Variants in BCR observed in about 807,000 individuals in gnomAD.
The protein encoded by BCR is BCR activator of RhoGEF and GTPase, also known as breakpoint cluster region protein.
A neutral mutation model predicts 138.6 loss-of-function variants in BCR; 58 were observed. The observed-to-expected ratio is 0.42, with a 90% confidence interval of 0.34 to 0.52. The LOEUF (loss-of-function observed/expected upper bound fraction) is 0.52, where lower values mean the gene tolerates loss of function less well. BCR is among the 20% of genes least tolerant of loss of function. BCR has a pLI of 0.06. For synonymous variants in BCR, 786 were observed against 730.1 expected, an observed-to-expected ratio of 1.08 and a Z score of -1.23; for missense variants, 1,599 against 1,727.2, an observed-to-expected ratio of 0.93 and a Z score of 1.32.
At chr22:23,304,416 T>A (rs1327415592) in intron 16 of BCR, among the ~76,000 whole-genome samples, 1 of 152,206 alleles carries the variant, frequency 6.6e-6, no homozygotes, top group Non-Finnish European at 1.5e-5. Context: ...CATTGTTTGG[T>A]TCCTTTTTAT....
At position 23,181,854 on chromosome 22, in the gene BCR, C is replaced by T. The variant is rs568926516; in HGVS notation, c.894C>T (p.Arg298=). The change falls in exon 1 of 23, where the codon CGC becomes CGT. Residue 298 remains arginine, a synonymous_variant. Coordinates refer to ENST00000305877, the MANE Select transcript of BCR (RefSeq NM_004327.4). ...GGGAGGGCAAGGGCCCGCTCCTGCG[C>T]AGCCAGAGCACCTCTGAGCAGGAGA... The part of the protein sequence containing the change: ...MEGEGKGPLL[R]SQSTSEQEKR... 6 of 1,612,716 alleles carry T rather than the reference C, an allele frequency of 3.7e-6. No individual in the cohort carries two copies. The highest frequency in any genetic ancestry group is 1.1e-5 in the South Asian group (1 of 91,078).
intron 1 of BCR, among the ~76,000 whole-genome samples, chr22:23,184,954 G>A (rs1436864929): frequency 6.6e-6 from 1 of 152,158 alleles, no homozygotes; most frequent in African/African-American, 2.4e-5. Flanking sequence ...CTAATGCTCC[G>A]CAGTGGCAGA....
intron 4 of BCR, chr22:23,264,335 C>A (rs2073411830): frequency 1.0e-6 from 1 of 987,230 alleles, no homozygotes. Context: ...ACAACCTCCA[C>A]GTCCTGGATA....
intron 16 of BCR, among the ~76,000 whole-genome samples, chr22:23,295,540 C>T (rs1875332409): frequency 6.6e-6 from 1 of 152,006 alleles, no homozygotes; most frequent in Non-Finnish European, 1.5e-5. Flanking sequence ...CAGAGGCTGC[C>T]TGCAAGCACA....
chr22:23,313,129 G>C (rs931125927), intron 20 of BCR, 108 bp downstream of exon 20: 7 of 1,375,882 alleles, frequency 5.1e-6, no homozygotes, highest in Non-Finnish European at 6.9e-6. Flanking sequence ...TGCCCCCTCT[G>C]CCATGGTCGG....
At chr22:23,287,375 T>G in intron 11 of BCR, 97 bp downstream of exon 11, 1 of 1,432,662 alleles carries the variant, frequency 7.0e-7, no homozygotes, top group Non-Finnish European at 9.2e-7. Flanking sequence ...TGCGCCCCAC[T>G]CTGAGAGAGG....
chr22:23,275,009 C>T (rs1032292152), intron 8 of BCR, among the ~76,000 whole-genome samples: 12 of 152,048 alleles, frequency 7.9e-5, no homozygotes, highest in African/African-American at 2.9e-4. Flanking sequence ...GCCCTGTCCT[C>T]AGGGCCCCCA....
intron 1 of BCR, among the ~76,000 whole-genome samples, chr22:23,218,008 A>T (rs567662538): frequency 1.3e-4 from 20 of 152,302 alleles, no homozygotes; most frequent in Middle Eastern, 6.8e-3. Context: ...GCTCTGGGCA[A>T]ATGGGCCTGG....
chr22:23,261,126 T>G, intron 3 of BCR, 72 bp downstream of exon 3: 1 of 1,471,828 alleles, frequency 6.8e-7, no homozygotes, highest in Admixed American at 1.8e-5. Context: ...CTCTTTGCCC[T>G]TAAGTCCCAG....
At chr22:23,240,930 G>GAACCTCA (rs2073083119) in intron 1 of BCR, among the ~76,000 whole-genome samples, 1 of 152,128 alleles carries the variant, frequency 6.6e-6, no homozygotes, top group Admixed American at 6.5e-5. Context: ...GAATCTTACG[G>GAACCTCA]TATTTGTTTG....
At chr22:23,268,578 C>G (rs79769038) in intron 5 of BCR, 63 bp downstream of exon 5, 2 of 1,355,190 alleles carry the variant, frequency 1.5e-6, no homozygotes, top group African/African-American at 1.4e-5. Flanking sequence ...CTCCACCTCC[C>G]GAGGAGAACA....
chr22:23,301,133 G>A (rs936529262), intron 16 of BCR, among the ~76,000 whole-genome samples: 5 of 152,324 alleles, frequency 3.3e-5, no homozygotes, highest in African/African-American at 4.8e-5. Flanking sequence ...GTGAAACCCC[G>A]TCTCTACTAA....
Position 23,314,020 on chromosome 22 carries a change from C to G in BCR, c.3510C>G (p.Ser1170=). Residue 1170 remains serine (S), a synonymous_variant, in exon 21 of 23, where the codon TCC becomes TCG. Coordinates refer to ENST00000305877, the MANE Select transcript of BCR (RefSeq NM_004327.4). ...GCTGCATGCTCAACCTGCTGCTGTC[C>G]CTGCCGGAGGCCAACCTGCTCACCT... is the stretch of plus-strand genomic sequence containing the variant. The part of the protein sequence containing the change: ...KESCMLNLLL[S]LPEANLLTFL... 1 of 1,613,972 alleles carries G rather than the reference C, an allele frequency of 6.2e-7. No homozygotes were observed.
chr22:23,248,298 C>T lies in BCR; in HGVS notation c.1280-5501C>T, dbSNP rs576789348. 7.3e-5 allele frequency among the ~76,000 whole-genome samples: 11 copies of T among 151,140 alleles called. No homozygotes were observed. In the East Asian group the frequency reaches 1.6e-3, roughly 21 times the overall value. Reference sequence around the variant, plus strand: ...GGTGGAGGTTGCAGTGAGCCAAGATCGCGCCATTATACTCCAGCAGTGTCC... The same window carrying T: ...GGTGGAGGTTGCAGTGAGCCAAGATTGCGCCATTATACTCCAGCAGTGTCC... On this transcript the variant is annotated intron_variant, in intron 1 of 22. Transcript: ENST00000305877.
chr22:23,243,832 G>A (rs760755060), intron 1 of BCR, among the ~76,000 whole-genome samples: 25 of 151,880 alleles, frequency 1.6e-4, no homozygotes, highest in Non-Finnish European at 3.1e-4. Context: ...TAGTAGAGAC[G>A]CGATTTCATC....
At chr22:23,231,015 C>G (rs6003578) in intron 1 of BCR, among the ~76,000 whole-genome samples, 18 of 152,306 alleles carry the variant, frequency 1.2e-4, no homozygotes, top group African/African-American at 4.3e-4. Context: ...TGGTTTCTTT[C>G]TGTGTCTTAT....
At chr22:23,281,525 A>G (rs994969980) in intron 8 of BCR, among the ~76,000 whole-genome samples, 8 of 152,202 alleles carry the variant, frequency 5.3e-5, no homozygotes, top group African/African-American at 1.9e-4. Flanking sequence ...AGGCCACGCC[A>G]TGTGGGCCTC....
chr22:23,269,583 C>T (rs1245228744), intron 5 of BCR, among the ~76,000 whole-genome samples: 1 of 152,202 alleles, frequency 6.6e-6, no homozygotes, highest in Non-Finnish European at 1.5e-5. Flanking sequence ...GGTGACAGTA[C>T]CTGCCGCTCT....
intron 9 of BCR, 137 bp from the exon 10 acceptor site, chr22:23,284,896 C>T (rs1003572627): frequency 1.2e-4 from 113 of 941,536 alleles, no homozygotes; most frequent in Non-Finnish European, 1.7e-4. Flanking sequence ...CAGTCTGTCC[C>T]ATGGAACACG....
Sources: gnomAD v4.1 joint callset for allele counts (sites outside exome capture counted in the v4.1 genomes callset) on GRCh38, gnomAD v4.1.1 for gene constraint, MANE v1.5 for transcripts, NCBI Gene and HGNC (gene_info 2026-07-23, HGNC 2026-07-21) for gene names.